Variants in ATP1B3 observed in about 807,000 individuals in gnomAD.
The protein encoded by ATP1B3 is sodium/potassium-transporting ATPase subunit beta-3.
In ATP1B3, 10 loss-of-function variants were observed where a neutral mutation model predicts 30.2. The observed-to-expected ratio is 0.33, with a 90% CI of 0.20 to 0.56. The LOEUF (loss-of-function observed/expected upper bound fraction) is 0.56. Among genes scored for constraint, ATP1B3 ranks in the 20% least tolerant of loss-of-function variants. ATP1B3 has a pLI of 0.90. For missense variants in ATP1B3, 238 were observed against 336.7 expected, an observed-to-expected ratio of 0.71 and a Z score of 2.29; for synonymous variants, 113 against 117.0, an observed-to-expected ratio of 0.97 and a Z score of 0.22.
Position 141,916,875 on chromosome 3 carries a change from T to C in ATP1B3, c.582+855T>C, listed in dbSNP as rs144395626. Among the ~76,000 whole-genome samples the C allele has an allele frequency of 1.4e-4, 22 of 152,116 alleles. No individual in the cohort carries two copies. The East Asian group carries it at 4.3e-3, about 29-fold the overall frequency. ...TCCAAAATTTGCATTTTTTTCTTTT[T>C]TTTTCTTTTAGACGGAGTCTCACTC... On this transcript the variant is annotated intron_variant, in intron 5 of 6. Coordinates refer to ENST00000286371, the MANE Select transcript of ATP1B3 (RefSeq NM_001679.4).
intron 5 of ATP1B3, among the ~76,000 whole-genome samples, chr3:141,917,905 C>T (rs1235446648): frequency 6.6e-6 from 1 of 151,558 alleles, no homozygotes; most frequent in Non-Finnish European, 1.5e-5. Context: ...GTAACTGGGA[C>T]TACAGGCGAC....
At chr3:141,920,166 G>A (rs535677169) in intron 5 of ATP1B3, among the ~76,000 whole-genome samples, 2 of 152,204 alleles carry the variant, frequency 1.3e-5, no homozygotes, top group East Asian at 1.9e-4. Context: ...GTCTTGAGCC[G>A]TGATGGCCTT....
intron 1 of ATP1B3, among the ~76,000 whole-genome samples, chr3:141,887,692 T>C (rs1432446467): frequency 1.3e-5 from 2 of 152,180 alleles, no homozygotes; most frequent in Non-Finnish European, 2.9e-5. Context: ...TAGATAAACT[T>C]GCATGTCTAC....
intron 2 of ATP1B3, among the ~76,000 whole-genome samples, chr3:141,905,704 C>G (rs751759321): frequency 1.3e-5 from 2 of 152,030 alleles, no homozygotes; most frequent in Non-Finnish European, 2.9e-5. Flanking sequence ...CTGTTTTTTT[C>G]TACCTCAGAC....
Position 141,925,677 on chromosome 3 carries a change from G to A in ATP1B3, c.816G>A (p.Met272Ile). 6.2e-7 allele frequency: 1 copy of A among 1,612,200 alleles called. No homozygotes were observed. Among genetic ancestry groups the A allele is most frequent in the Non-Finnish European group, 8.5e-7 (1 of 1,179,754 alleles). The part of the protein sequence containing the change: ...DDRDKFLGRV[M>I]FKITARA ...GTGACAAGTTTTTGGGACGAGTTAT[G>A]TTCAAAATCACAGCACGTGCATAGT... Residue 272 changes from methionine to isoleucine, a missense_variant, in exon 7 of 7, where the codon ATG becomes ATA. This residue lies in a region of ATP1B3 where 50 missense variants were observed against 62.3 expected (regional missense o/e 0.80). Coordinates refer to ENST00000286371, the MANE Select transcript of ATP1B3 (RefSeq NM_001679.4).
chr3:141,913,546 T>C (rs1367912604), intron 3 of ATP1B3, 106 bp from the exon 4 acceptor site: 6 of 937,374 alleles, frequency 6.4e-6, no homozygotes, highest in Non-Finnish European at 9.3e-6. Context: ...GTAATTTACA[T>C]TGCTGTTTTT....
At chr3:141,886,598 A>G (rs549041218) in intron 1 of ATP1B3, among the ~76,000 whole-genome samples, 1 of 152,360 alleles carries the variant, frequency 6.6e-6, no homozygotes, top group South Asian at 2.1e-4. Flanking sequence ...ATACACCAGT[A>G]TACTGAGAAG....
chr3:141,901,639 G>C (rs566982199), intron 1 of ATP1B3, among the ~76,000 whole-genome samples: 1 of 152,110 alleles, frequency 6.6e-6, no homozygotes, highest in Admixed American at 6.5e-5. Context: ...TTTTCATTGT[G>C]TAATAGTTCC....
At chr3:141,915,932 A>G (rs1289914302) in intron 4 of ATP1B3, 38 bp from the exon 5 acceptor site, 1 of 1,545,950 alleles carries the variant, frequency 6.5e-7, no homozygotes, top group Non-Finnish European at 8.9e-7. Flanking sequence ...TTGCATACTT[A>G]CGTGAAGTTT....
At chr3:141,908,216 G>A (rs1055583316) in intron 3 of ATP1B3, among the ~76,000 whole-genome samples, 2 of 151,744 alleles carry the variant, frequency 1.3e-5, no homozygotes, top group Non-Finnish European at 1.5e-5. Context: ...TAATACATCC[G>A]TTTTTCAAAG....
At chr3:141,918,697 A>C (rs963529938) in intron 5 of ATP1B3, 7 of 152,182 alleles carry the variant, frequency 4.6e-5, no homozygotes, top group Non-Finnish European at 1.0e-4. Flanking sequence ...TCAGCCTCCC[A>C]AAGTACTGGG....
chr3:141,889,830 C>CATATACAT (rs1559866165), intron 1 of ATP1B3, among the ~76,000 whole-genome samples: 1 of 137,468 alleles, frequency 7.3e-6, no homozygotes, highest in East Asian at 2.2e-4. Context: ...TATACATATA[C>CATATACAT]ATATATATAT....
chr3:141,909,391 A>T (rs946723577), intron 3 of ATP1B3, among the ~76,000 whole-genome samples: 1 of 152,188 alleles, frequency 6.6e-6, no homozygotes, highest in Non-Finnish European at 1.5e-5. Context: ...GCTTAGACTC[A>T]TGGTGAATTA....
chr3:141,922,529 T>C (rs757341570), intron 6 of ATP1B3, among the ~76,000 whole-genome samples: 31 of 152,062 alleles, frequency 2.0e-4, no homozygotes, highest in Admixed American at 5.2e-4. Flanking sequence ...GACATGTGCC[T>C]GTAGTCCCAG....
In ATP1B3 at chr3:141,892,353, T is replaced by C. The variant is rs1024447353; in HGVS notation, c.110-11267T>C. The stretch of plus-strand genomic sequence containing the variant: ...TTAGCCAAGACCTATTTTATTTTCC[T>C]GTTTATTTCAACCATTGGTGTTTAA... On this transcript the variant is annotated intron_variant, in intron 1 of 6. Transcript: ENST00000286371. Among the ~76,000 whole-genome samples the C allele has an allele frequency of 4.6e-5, 7 of 152,204 alleles. 1 individual carries two copies. Among genetic ancestry groups the C allele is most frequent in the Admixed American group, 3.9e-4 (6 of 15,272 alleles).
intron 4 of ATP1B3, among the ~76,000 whole-genome samples, chr3:141,915,049 A>T (rs1934429795): frequency 6.6e-6 from 1 of 152,238 alleles, no homozygotes; most frequent in Non-Finnish European, 1.5e-5. Flanking sequence ...TGCCTTTTGT[A>T]ATCCCAGTCT....
chr3:141,916,640 C>T, intron 5 of ATP1B3: 1 of 1,039,936 alleles, frequency 9.6e-7, no homozygotes. Flanking sequence ...CATTTCAACT[C>T]TGATTGTATG....
chr3:141,924,339 C>T (rs538960947), intron 6 of ATP1B3, among the ~76,000 whole-genome samples: 3 of 112,912 alleles, frequency 2.7e-5, no homozygotes, highest in Non-Finnish European at 3.7e-5. Context: ...TGCAATGTCT[C>T]AAAAAAAAAA....
intron 2 of ATP1B3, among the ~76,000 whole-genome samples, chr3:141,905,831 A>T (rs1039325050): frequency 1.3e-5 from 2 of 152,170 alleles, no homozygotes; most frequent in African/African-American, 4.8e-5. Context: ...ATATAAGCAT[A>T]TGTGTTAAAT....
Sources: allele counts gnomAD v4.1 joint callset (sites outside exome capture counted in the v4.1 genomes callset), GRCh38; gene constraint gnomAD v4.1.1; regional missense constraint gnomAD v4.1.1; transcripts MANE v1.5; gene names NCBI Gene and HGNC (gene_info 2026-07-23, HGNC 2026-07-21).